Variants in ZFAT observed in about 807,000 individuals in gnomAD.
The protein encoded by ZFAT is zinc finger and AT-hook domain containing.
A neutral mutation model predicts 117.7 loss-of-function variants in ZFAT; 64 were observed. That is an observed-to-expected ratio of 0.54 (90% CI 0.44 to 0.67). The LOEUF is 0.67. Among genes scored for constraint, ZFAT ranks in the 30% least tolerant of loss-of-function variants. The pLI is 0.00. For synonymous variants in ZFAT, 679 were observed against 615.0 expected, an observed-to-expected ratio of 1.10 and a Z score of -1.54; for missense variants, 1,433 against 1,584.5, an observed-to-expected ratio of 0.90 and a Z score of 1.62.
intron 12 of ZFAT, among the ~76,000 whole-genome samples, chr8:134,530,069 C>T (rs1294420429): frequency 6.6e-6 from 1 of 152,208 alleles, no homozygotes. Context: ...GCAGGAGGGT[C>T]TTTCCTAGGA....
intron 11 of ZFAT, among the ~76,000 whole-genome samples, chr8:134,556,031 AGAAGGAAGGAAGGAAGGAAG>A (rs767538738): frequency 9.9e-5 from 6 of 60,374 alleles, no homozygotes; most frequent in African/African-American, 2.9e-4. Context: ...AGGGAGGGAG[AGAAGGAAGGAAGGAAGGAAG>A]GAAGGAAGGA....
chr8:134,705,465 C>T (rs1834125642), intron 1 of ZFAT, among the ~76,000 whole-genome samples: 1 of 151,628 alleles, frequency 6.6e-6, no homozygotes, highest in South Asian at 2.1e-4. Context: ...AGTCCTCCCA[C>T]CTCAGACTCC....
chr8:134,547,174 C>G (rs1426001052), intron 11 of ZFAT, among the ~76,000 whole-genome samples: 1 of 152,218 alleles, frequency 6.6e-6, no homozygotes, highest in Non-Finnish European at 1.5e-5. Context: ...AACTAGTGTT[C>G]TAGCTAAGGT....
At chr8:134,702,842 CT>C (rs1834052263) in intron 1 of ZFAT, among the ~76,000 whole-genome samples, 1 of 151,954 alleles carries the variant, frequency 6.6e-6, no homozygotes. Context: ...CAGCTAATTT[CT>C]TGTATTTTTA....
At chr8:134,816,416 C>A in the ZFAT span, among the ~76,000 whole-genome samples, 1 of 151,408 alleles carries the variant, frequency 6.6e-6, no homozygotes, top group East Asian at 1.9e-4. Context: ...CAGAACATGG[C>A]CCAGAAAAAT....
the ZFAT span, among the ~76,000 whole-genome samples, chr8:134,720,257 G>C: frequency 6.6e-6 from 1 of 152,220 alleles, no homozygotes; most frequent in Non-Finnish European, 1.5e-5. Flanking sequence ...TCAACCCATA[G>C]GATTGCAAAA....
At chr8:134,778,521 G>A in the ZFAT span, among the ~76,000 whole-genome samples, 2 of 152,120 alleles carry the variant, frequency 1.3e-5, no homozygotes, top group South Asian at 2.1e-4. Context: ...CAGTCTATCC[G>A]TTCATCAAAC....
At chr8:134,680,261 CA>C (rs35292754) in intron 1 of ZFAT, among the ~76,000 whole-genome samples, 753 of 48,894 alleles carry the variant, frequency 0.015, 9 homozygotes, top group African/African-American at 0.041. Context: ...GACTCCCCCT[CA>C]AAAAAAAAAA....
At chr8:134,590,132 T>C (rs1243789501) in intron 8 of ZFAT, 136 bp downstream of exon 8, 3 of 626,386 alleles carry the variant, frequency 4.8e-6, no homozygotes, top group Non-Finnish European at 8.1e-6. Flanking sequence ...CGAATAAAGA[T>C]GTTTGTTTCC....
intron 13 of ZFAT, among the ~76,000 whole-genome samples, chr8:134,517,486 A>G (rs995498108): frequency 2.0e-5 from 3 of 152,226 alleles, no homozygotes; most frequent in Non-Finnish European, 4.4e-5. Flanking sequence ...AAGTGCTGCA[A>G]CAGAGAGTTC....
At chr8:134,714,120 CA>C (rs1206014420), upstream of ZFAT, among the ~76,000 whole-genome samples, 285 of 64,590 alleles carry the variant, frequency 4.4e-3, no homozygotes, top group South Asian at 9.0e-3. Flanking sequence ...CCCCCCCCCC[CA>C]AAAAAAAAAA....
At chr8:134,542,649 GC>G (rs145756021) in intron 11 of ZFAT, among the ~76,000 whole-genome samples, 1 of 152,318 alleles carries the variant, frequency 6.6e-6, no homozygotes, top group East Asian at 1.9e-4. Flanking sequence ...GTCTTTATCA[GC>G]CCCCTGCTCA....
At chr8:134,813,838 A>G in the ZFAT span, among the ~76,000 whole-genome samples, 3 of 145,090 alleles carry the variant, frequency 2.1e-5, no homozygotes, top group Non-Finnish European at 4.5e-5. Context: ...ACACACACAC[A>G]CGTCAAAGAT....
In ZFAT at chr8:134,478,152, G is replaced by C. The variant is rs1817008365; in HGVS notation, c.*330C>G. The C allele has an allele frequency of 3.1e-6, 1 of 324,616 alleles. No homozygotes were observed. The highest frequency in any genetic ancestry group is 5.8e-6 in the Non-Finnish European group (1 of 173,244). 20.1% of individuals were successfully genotyped at this position (324,616 alleles called of 1,614,324 possible). A position where few individuals can be genotyped will look rare whatever the true frequency, so the allele number is the denominator to read the frequency against. On this transcript the variant is annotated 3_prime_UTR_variant, in exon 16 of 16. Transcript: ENST00000377838. This position sits in a 1 kb window ranked among gnomAD's most constrained non-coding sequence, Gnocchi z 5.2. ...GCTGTGATTCAGGGAAGATGCTGAG[G>C]GGGACTGGGAGTCTCTGTTTGAATC...
At chr8:134,649,991 T>C (rs576529226) in intron 2 of ZFAT, among the ~76,000 whole-genome samples, 1 of 152,328 alleles carries the variant, frequency 6.6e-6, no homozygotes, top group East Asian at 1.9e-4. Context: ...TTGTTTGCAC[T>C]CACTCTGTCC....
chr8:134,731,123 G>A, the ZFAT span, among the ~76,000 whole-genome samples: 2 of 152,194 alleles, frequency 1.3e-5, no homozygotes, highest in African/African-American at 2.4e-5. Context: ...TATGGAGCAA[G>A]GGGAACCCTC....
upstream of ZFAT, among the ~76,000 whole-genome samples, chr8:134,715,355 C>T (rs1814198218): frequency 6.6e-6 from 1 of 152,196 alleles, no homozygotes; most frequent in Admixed American, 6.5e-5. Flanking sequence ...CATTTTCTTC[C>T]TCCTACCCAT....
intron 11 of ZFAT, among the ~76,000 whole-genome samples, chr8:134,562,831 T>C (rs1824146814): frequency 6.6e-6 from 1 of 152,106 alleles, no homozygotes; most frequent in African/African-American, 2.4e-5. Flanking sequence ...TAGTCCACAA[T>C]CTTAAAAACA....
upstream of ZFAT, among the ~76,000 whole-genome samples, chr8:134,717,266 T>C (rs1261301979): frequency 1.3e-5 from 2 of 151,730 alleles, no homozygotes; most frequent in South Asian, 4.2e-4. Flanking sequence ...GACTTAATAG[T>C]TGAAAATGGT....
Sources: gnomAD v4.1 joint callset for allele counts (sites outside exome capture counted in the v4.1 genomes callset) on GRCh38, gnomAD v4.1.1 for gene constraint, Gnocchi (gnomAD v3.1) non-coding constraint, MANE v1.5 for transcripts, NCBI Gene and HGNC (gene_info 2026-07-23, HGNC 2026-07-21) for gene names.